Variants in INTS7 observed in about 807,000 individuals in gnomAD.
INTS7 encodes chromosome 1 open reading frame 73.
In INTS7, 46 loss-of-function variants were observed where a neutral mutation model predicts 109.2. That is an observed-to-expected ratio of 0.42 (90% CI 0.33 to 0.54). The LOEUF (loss-of-function observed/expected upper bound fraction) is 0.54, where lower values mean the gene tolerates loss of function less well. Ranked by LOEUF, INTS7 falls within the 20% of genes least tolerant of loss-of-function variation. The probability of loss-of-function intolerance (pLI) is 0.07; values close to 1 mark genes in which losing one functional copy is unlikely to be tolerated. For synonymous variants in INTS7, 412 were observed against 402.9 expected (o/e 1.02, Z -0.27); for missense variants, 929 against 1,132.4 (o/e 0.82, Z 2.58).
chr1:211,963,916 C>A (rs114987298), intron 16 of INTS7, among the ~76,000 whole-genome samples: 13 of 152,226 alleles, frequency 8.5e-5, no homozygotes, highest in Non-Finnish European at 1.6e-4. Context: ...GGAAGCATTC[C>A]CCCTGAAAAC....
intron 13 of INTS7, among the ~76,000 whole-genome samples, chr1:211,974,739 A>G (rs1176498494): frequency 6.6e-6 from 1 of 152,158 alleles, no homozygotes; most frequent in Non-Finnish European, 1.5e-5. Context: ...CCACAGAGAG[A>G]TACAAAGTGG....
chr1:212,002,344 C>T (rs989947841), intron 7 of INTS7, among the ~76,000 whole-genome samples: 4 of 152,212 alleles, frequency 2.6e-5, no homozygotes, highest in Non-Finnish European at 5.9e-5. Flanking sequence ...AACCTAGTCT[C>T]AATATAGCTA....
At chr1:211,999,071 T>C (rs1268297940) in intron 7 of INTS7, among the ~76,000 whole-genome samples, 1 of 152,236 alleles carries the variant, frequency 6.6e-6, no homozygotes, top group East Asian at 1.9e-4. Context: ...GAAAACGGTT[T>C]GGCAGTTTCT....
rs1335271947 is a variant in INTS7 at position 211,952,773 on chromosome 1, C to A, written c.2184-72G>T. The stretch of plus-strand genomic sequence containing the variant: ...ATTTAATGCCTACATGTATCAGGTA[C>A]TTTCAACATATTTTCATTTAATTTT... On this transcript the variant is annotated intron_variant, in intron 16 of 19. Transcript: ENST00000366994. 7 of 1,226,226 alleles carry A rather than the reference C, an allele frequency of 5.7e-6. No individual in the cohort carries two copies. The Admixed American group carries it at 1.4e-4, about 24-fold the overall frequency. The allele number at this position is 1,226,226 out of a possible 1,614,324, so 76.0% of individuals were successfully genotyped here.
At chr1:212,020,688 GA>G in intron 2 of INTS7, 4 of 989,840 alleles carry the variant, frequency 4.0e-6, no homozygotes, top group East Asian at 1.0e-4. Flanking sequence ...GGTCGGGGGA[GA>G]AAAAGCAAAT....
rs1022003955 is a variant in INTS7 at position 211,940,511 on chromosome 1, A to T, written c.*1313T>A. On this transcript the variant is annotated 3_prime_UTR_variant, in exon 20 of 20. Coordinates refer to ENST00000366994, the MANE Select transcript of INTS7 (RefSeq NM_015434.4). ...ACTTATAGCATCGGCATCTGCAACC[A>T]TATGATCCCTGATGTTTAGAAATCG... 2 of 152,202 alleles carry T rather than the reference A, an allele frequency of 1.3e-5. No individual in the cohort carries two copies. Among genetic ancestry groups the T allele is most frequent in the African/African-American group, 4.8e-5 (2 of 41,452 alleles). 9.4% of individuals were successfully genotyped at this position (152,202 alleles called of 1,614,324 possible). A position where few individuals can be genotyped will look rare whatever the true frequency, so the allele number is the denominator to read the frequency against.
intron 16 of INTS7, among the ~76,000 whole-genome samples, chr1:211,953,023 A>G (rs1192309379): frequency 6.6e-6 from 1 of 152,234 alleles, no homozygotes; most frequent in Non-Finnish European, 1.5e-5. Flanking sequence ...GACTATCAAT[A>G]AAGCCAGCAG....
At chr1:211,955,124 G>T (rs141031618) in intron 16 of INTS7, among the ~76,000 whole-genome samples, 5,059 of 152,130 alleles carry the variant, frequency 0.033, 280 homozygotes, top group African/African-American at 0.11. Context: ...TTGTAAGTTG[G>T]ATTCCTAGGT....
intron 8 of INTS7, among the ~76,000 whole-genome samples, chr1:211,985,470 T>C (rs1664856323): frequency 6.6e-6 from 1 of 152,202 alleles, no homozygotes; most frequent in South Asian, 2.1e-4. Context: ...TATCTATTTA[T>C]TTAAGCCTTT....
chr1:211,956,052 TATAA>T (rs1663346460), intron 16 of INTS7, among the ~76,000 whole-genome samples: 1 of 152,246 alleles, frequency 6.6e-6, no homozygotes, highest in Non-Finnish European at 1.5e-5. Context: ...TGATAGTTCA[TATAA>T]ATAGAGCCAT....
intron 13 of INTS7, among the ~76,000 whole-genome samples, chr1:211,974,268 AAAAAAAAAATATATATATATATATAT>A (rs1375356766): frequency 1.2e-5 from 1 of 83,820 alleles, no homozygotes; most frequent in African/African-American, 5.0e-5. Context: ...CTCTTCCCAG[AAAAAAAAAATATATATATATATATAT>A]ATATATATAT....
intron 13 of INTS7, 59 bp downstream of exon 13, chr1:211,975,107 A>C (rs1664360875): frequency 8.4e-7 from 1 of 1,192,960 alleles, no homozygotes; most frequent in South Asian, 1.3e-5. Context: ...ATCCAAAAAG[A>C]GAAGGGAGAG....
At chr1:212,022,190 A>G (rs1212781546) in intron 1 of INTS7, among the ~76,000 whole-genome samples, 12 of 152,234 alleles carry the variant, frequency 7.9e-5, no homozygotes, top group Admixed American at 7.9e-4. Flanking sequence ...CCTCAGTGTA[A>G]GAGCTAAAAT....
At chr1:212,027,299 G>A (rs553079851) in intron 1 of INTS7, among the ~76,000 whole-genome samples, 14 of 152,276 alleles carry the variant, frequency 9.2e-5, no homozygotes, top group East Asian at 5.8e-4. Context: ...AGCTCAGCAC[G>A]TTCCAGTTCT....
At chr1:212,015,516 G>C (rs569159453) in intron 4 of INTS7, among the ~76,000 whole-genome samples, 1 of 151,728 alleles carries the variant, frequency 6.6e-6, no homozygotes, top group South Asian at 2.1e-4. Context: ...CAGCATACTC[G>C]TTAAGAGTCA....
intron 5 of INTS7, among the ~76,000 whole-genome samples, chr1:212,008,153 G>C (rs1238938495): frequency 6.6e-6 from 1 of 152,186 alleles, no homozygotes; most frequent in East Asian, 1.9e-4. Flanking sequence ...ATGAACGTAA[G>C]ACAGCATTTC....
chr1:212,003,431 C>G (rs1665770442), intron 7 of INTS7, among the ~76,000 whole-genome samples: 1 of 151,444 alleles, frequency 6.6e-6, no homozygotes, highest in African/African-American at 2.4e-5. Flanking sequence ...AAGCATCTTT[C>G]AAGATTGAGG....
intron 7 of INTS7, among the ~76,000 whole-genome samples, chr1:211,994,232 G>T (rs3009996): frequency 0.043 from 6,578 of 152,214 alleles, 192 homozygotes; most frequent in African/African-American, 0.074. Context: ...CTTGGTAATT[G>T]TGAGTAAAAT....
chr1:211,964,214 A>G (rs538949312), intron 16 of INTS7, among the ~76,000 whole-genome samples: 6 of 152,368 alleles, frequency 3.9e-5, no homozygotes, highest in African/African-American at 1.4e-4. Flanking sequence ...CTGAAAGCCA[A>G]ATCAGGAATG....
Sources: allele counts gnomAD v4.1 joint callset (sites outside exome capture counted in the v4.1 genomes callset), GRCh38; gene constraint gnomAD v4.1.1; transcripts MANE v1.5; gene names NCBI Gene and HGNC (gene_info 2026-07-23, HGNC 2026-07-21).